SLC4A4: variants seen among roughly 807,000 people sequenced by gnomAD.
SLC4A4 encodes electrogenic sodium bicarbonate cotransporter 1.
In SLC4A4, 27 loss-of-function variants were observed where a neutral mutation model predicts 111.5. That is an observed-to-expected ratio of 0.24 (90% CI 0.18 to 0.33). The LOEUF (loss-of-function observed/expected upper bound fraction) is 0.33. SLC4A4 is among the 10% of genes least tolerant of loss of function. The pLI is 1.00. For missense variants in SLC4A4, 909 were observed against 1,315.5 expected (o/e 0.69, Z 4.78); for synonymous variants, 443 against 463.4 (o/e 0.96, Z 0.57).
chr4:71,425,346 G>A (rs1443452220), intron 7 of SLC4A4, among the ~76,000 whole-genome samples: 2 of 152,132 alleles, frequency 1.3e-5, no homozygotes, highest in Non-Finnish European at 1.5e-5. Flanking sequence ...CAGCAAAACA[G>A]GCTGGTGGTT....
intron 1 of SLC4A4, among the ~76,000 whole-genome samples, chr4:71,220,293 G>T (rs748072687): frequency 2.2e-4 from 34 of 152,140 alleles, no homozygotes; most frequent in Non-Finnish European, 4.4e-4. Flanking sequence ...TAAAATTAAG[G>T]TATGTGCATT....
At chr4:71,298,434 A>G (rs1724976222) in intron 3 of SLC4A4, among the ~76,000 whole-genome samples, 1 of 152,244 alleles carries the variant, frequency 6.6e-6, no homozygotes, top group Non-Finnish European at 1.5e-5. Context: ...TTAAGGGTTG[A>G]GTTCAACCAT....
At chr4:71,080,685 A>G (rs1338160530) in intron 1 of SLC4A4, among the ~76,000 whole-genome samples, 2 of 151,896 alleles carry the variant, frequency 1.3e-5, no homozygotes, top group East Asian at 3.9e-4. Context: ...TTCTGGGGTG[A>G]GTTGTGAGCA....
At chr4:71,277,464 C>G (rs1253140181) in intron 3 of SLC4A4, among the ~76,000 whole-genome samples, 1 of 151,728 alleles carries the variant, frequency 6.6e-6, no homozygotes, top group East Asian at 1.9e-4. Flanking sequence ...TATCTTGTGC[C>G]CATTTCCTAC....
intron 2 of SLC4A4, among the ~76,000 whole-genome samples, chr4:71,243,533 T>G (rs1720411693): frequency 6.6e-6 from 1 of 152,182 alleles, no homozygotes; most frequent in Non-Finnish European, 1.5e-5. Flanking sequence ...TATTTTGTTT[T>G]ATTTTATTTT....
At chr4:71,317,354 A>C (rs759723396) in intron 3 of SLC4A4, among the ~76,000 whole-genome samples, 4 of 152,096 alleles carry the variant, frequency 2.6e-5, no homozygotes, top group Non-Finnish European at 5.9e-5. Flanking sequence ...GTTAGAACTG[A>C]CAAATTTATA....
chr4:71,294,913 C>T (rs1003351017), intron 3 of SLC4A4, among the ~76,000 whole-genome samples: 1 of 152,138 alleles, frequency 6.6e-6, no homozygotes. Flanking sequence ...TTAGTTTTTT[C>T]CTATGACAAA....
rs146121532 is a variant in SLC4A4, at chr4:71,356,922, A to G, written c.551-86A>G. On this transcript the variant is annotated intron_variant, in intron 5 of 25. Transcript: ENST00000264485. ...AAACAATATCTTGCTATTAAATTTG[A>G]GGGTGACATCCATAAAGTTAGAGTA... The G allele has an allele frequency of 1.4e-3, 1,685 of 1,199,094 alleles. 9 individuals are homozygous for G. Among genetic ancestry groups the G allele is most frequent in the Middle Eastern group, 3.7e-3 (19 of 5,118 alleles). 74.3% of individuals were successfully genotyped at this position (1,199,094 alleles called of 1,614,324 possible).
intron 3 of SLC4A4, among the ~76,000 whole-genome samples, chr4:71,256,411 A>T (rs891789593): frequency 6.6e-6 from 1 of 152,112 alleles, no homozygotes; most frequent in African/African-American, 2.4e-5. Flanking sequence ...AGTGATGTGA[A>T]TTTTTTATAG....
At chr4:71,494,896 T>A (rs139968127) in intron 15 of SLC4A4, among the ~76,000 whole-genome samples, 3 of 152,158 alleles carry the variant, frequency 2.0e-5, no homozygotes, top group African/African-American at 7.2e-5. Flanking sequence ...TATGGAACAA[T>A]AATATTGAAA....
chr4:71,500,250 CTCTG>C lies in SLC4A4; in HGVS notation c.2166+2562_2166+2565del, dbSNP rs148550938. On this transcript the variant is annotated intron_variant, in intron 16 of 25. Coordinates refer to ENST00000264485, the MANE Select transcript of SLC4A4 (RefSeq NM_001098484.3). ...CTTTTGCAAAACATCTATTCAGGTC[CTCTG>C]TCTATTTATTAGGTGAATTGCTGTT... Among the ~76,000 whole-genome samples the C allele has an allele frequency of 3.4e-3, 517 of 152,228 alleles. 3 individuals are homozygous for C. Among genetic ancestry groups the C allele is most frequent in the African/African-American group, 0.012 (504 of 41,556 alleles).
At chr4:71,219,571 T>C (rs1237897652) in intron 1 of SLC4A4, among the ~76,000 whole-genome samples, 3 of 152,230 alleles carry the variant, frequency 2.0e-5, no homozygotes, top group African/African-American at 7.2e-5. Flanking sequence ...ATTTCGACTT[T>C]CAAGTCTTAT....
intron 2 of SLC4A4, among the ~76,000 whole-genome samples, chr4:71,175,180 T>C (rs1745050990): frequency 6.6e-6 from 1 of 152,220 alleles, no homozygotes; most frequent in African/African-American, 2.4e-5. Context: ...AAGCAATCTA[T>C]GTGCACAGTT....
At chr4:71,123,173 G>T (rs1005039158) in intron 2 of SLC4A4, among the ~76,000 whole-genome samples, 1 of 152,142 alleles carries the variant, frequency 6.6e-6, no homozygotes. Context: ...CAACTAAAAG[G>T]TGTTCCAGGA....
At chr4:71,164,622 C>G (rs898223967) in intron 2 of SLC4A4, among the ~76,000 whole-genome samples, 1 of 152,022 alleles carries the variant, frequency 6.6e-6, no homozygotes, top group Non-Finnish European at 1.5e-5. Context: ...CTAGGCAATA[C>G]CATTCAGGAC....
chr4:71,534,453 T>C (rs573897577), intron 18 of SLC4A4, 65 bp downstream of exon 18: 8 of 1,519,528 alleles, frequency 5.3e-6, no homozygotes, highest in Admixed American at 5.1e-5. Context: ...AAAACACTAA[T>C]TGATTAAAAA....
chr4:71,551,084 A>G (rs919110528), intron 20 of SLC4A4, among the ~76,000 whole-genome samples: 12 of 151,872 alleles, frequency 7.9e-5, no homozygotes, highest in Non-Finnish European at 4.4e-5. Context: ...GTAAGTGAGT[A>G]TTCTGTATGG....
At chr4:71,499,752 T>G (rs1730738165) in intron 16 of SLC4A4, among the ~76,000 whole-genome samples, 1 of 152,198 alleles carries the variant, frequency 6.6e-6, no homozygotes, top group Non-Finnish European at 1.5e-5. Flanking sequence ...TTATTGCTAA[T>G]GACAGAATTT....
intron 4 of SLC4A4, among the ~76,000 whole-genome samples, chr4:71,344,013 A>C (rs1729108435): frequency 6.6e-6 from 1 of 151,976 alleles, no homozygotes; most frequent in African/African-American, 2.4e-5. Context: ...CTATAATTGA[A>C]ACCTTCCCCC....
Sources: allele counts gnomAD v4.1 joint callset (sites outside exome capture counted in the v4.1 genomes callset), GRCh38; gene constraint gnomAD v4.1.1; transcripts MANE v1.5; gene names NCBI Gene and HGNC (gene_info 2026-07-23, HGNC 2026-07-21).